The following AUTS2 variants were observed in gnomAD, a reference collection of about 807,000 sequenced individuals.
AUTS2 encodes the protein autism susceptibility gene 2 protein.
A neutral mutation model predicts 112.4 loss-of-function variants in AUTS2; 17 were observed. That is an observed-to-expected ratio of 0.15 (90% CI 0.10 to 0.23). AUTS2 has a LOEUF of 0.23. AUTS2 is among the 10% of genes least tolerant of loss of function. AUTS2 has a pLI of 1.00. For synonymous variants in AUTS2, 751 were observed against 702.7 expected (o/e 1.07, Z -1.09); for missense variants, 1,510 against 1,701.6 (o/e 0.89, Z 1.98).
chr7:70,559,454 C>G (rs1179687865), intron 5 of AUTS2, among the ~76,000 whole-genome samples: 1 of 151,962 alleles, frequency 6.6e-6, no homozygotes, highest in Non-Finnish European at 1.5e-5. Context: ...CCTGTCTCAG[C>G]CTCCCAAGTA....
chr7:70,172,385 C>T (rs1328585471), intron 4 of AUTS2, among the ~76,000 whole-genome samples: 5 of 152,152 alleles, frequency 3.3e-5, no homozygotes, highest in East Asian at 1.9e-4. Context: ...CAACCTTCTT[C>T]GTAATTAAAG....
chr7:70,081,475 C>T (rs1464676595), intron 2 of AUTS2, among the ~76,000 whole-genome samples: 4 of 150,416 alleles, frequency 2.7e-5, no homozygotes, highest in Non-Finnish European at 5.9e-5. Context: ...TCAGGAGAAT[C>T]GCTTGAACCC....
intron 1 of AUTS2, among the ~76,000 whole-genome samples, chr7:69,600,616 G>A (rs1792344438): frequency 6.7e-6 from 1 of 150,314 alleles, no homozygotes; most frequent in African/African-American, 2.5e-5. Context: ...GAGGAGGGGA[G>A]AGAAGAGGGA....
At chr7:70,495,862 C>T (rs1195777890) in intron 5 of AUTS2, among the ~76,000 whole-genome samples, 1 of 145,746 alleles carries the variant, frequency 6.9e-6, no homozygotes, top group African/African-American at 2.6e-5. Flanking sequence ...CAAACACACA[C>T]ACGCCCCACA....
chr7:70,676,137 AG>A (rs2129544612), intron 5 of AUTS2, among the ~76,000 whole-genome samples: 1 of 152,352 alleles, frequency 6.6e-6, no homozygotes, highest in Admixed American at 6.5e-5. Context: ...ATTAAAAAGA[AG>A]AAGAAGAAGA....
intron 4 of AUTS2, among the ~76,000 whole-genome samples, chr7:70,306,202 AC>A (rs1204228666): frequency 4.6e-5 from 7 of 152,170 alleles, no homozygotes; most frequent in Non-Finnish European, 7.3e-5. Flanking sequence ...AAGCTCATTG[AC>A]CCTAGAGAAG....
chr7:70,332,416 C>G (rs564072040), intron 4 of AUTS2, among the ~76,000 whole-genome samples: 1 of 152,168 alleles, frequency 6.6e-6, no homozygotes, highest in South Asian at 2.1e-4. Context: ...CAATGTTATC[C>G]CTATCAAGCT....
At chr7:70,391,031 C>T (rs1425473106) in intron 4 of AUTS2, among the ~76,000 whole-genome samples, 2 of 152,296 alleles carry the variant, frequency 1.3e-5, no homozygotes, top group Admixed American at 6.5e-5. Flanking sequence ...AGACAGTTTT[C>T]TCAGCCTTGT....
At chr7:69,780,691 G>T (rs939873236) in intron 1 of AUTS2, among the ~76,000 whole-genome samples, 1 of 152,180 alleles carries the variant, frequency 6.6e-6, no homozygotes, top group Non-Finnish European at 1.5e-5. Flanking sequence ...AGAGTGTGGT[G>T]GTAGATAGAA....
At chr7:69,947,128 G>A (rs1269148555) in intron 2 of AUTS2, among the ~76,000 whole-genome samples, 1 of 152,188 alleles carries the variant, frequency 6.6e-6, no homozygotes, top group Non-Finnish European at 1.5e-5. Context: ...GATTGAGGGA[G>A]GGAGCCATTG....
chr7:69,824,707 G>A (rs1313867878), intron 1 of AUTS2: 1 of 152,098 alleles, frequency 6.6e-6, no homozygotes, highest in Non-Finnish European at 1.5e-5. Flanking sequence ...TGGAAACAGA[G>A]CAATCAGATA....
intron 1 of AUTS2, among the ~76,000 whole-genome samples, chr7:69,812,262 G>T (rs957621719): frequency 3.9e-5 from 6 of 152,010 alleles, no homozygotes; most frequent in African/African-American, 7.3e-5. Flanking sequence ...CATAATTAGG[G>T]TATTTCTGGG....
chr7:70,053,276 G>A (rs551665833), intron 2 of AUTS2, among the ~76,000 whole-genome samples: 29 of 152,062 alleles, frequency 1.9e-4, no homozygotes, highest in African/African-American at 6.3e-4. Flanking sequence ...TATTAAAGAA[G>A]CATCTACTAC....
At chr7:70,720,407 G>A (rs567850680) in intron 6 of AUTS2, among the ~76,000 whole-genome samples, 6 of 152,098 alleles carry the variant, frequency 3.9e-5, no homozygotes, top group African/African-American at 7.2e-5. Flanking sequence ...ATTATGCAGC[G>A]GGGGAAGAAG....
chr7:70,087,788 ATAT>A (rs759974652), intron 2 of AUTS2, among the ~76,000 whole-genome samples: 6 of 152,144 alleles, frequency 3.9e-5, no homozygotes, highest in Non-Finnish European at 8.8e-5. Flanking sequence ...TATAGAATTT[ATAT>A]TATTGTTTCC....
intron 2 of AUTS2, among the ~76,000 whole-genome samples, chr7:70,067,562 C>T (rs748492455): frequency 6.6e-6 from 1 of 152,080 alleles, no homozygotes; most frequent in African/African-American, 2.4e-5. Context: ...AAGAAAACTT[C>T]AGGCCAGGCT....
In AUTS2 at chr7:70,671,607, G is replaced by T. The variant is rs1175989732; in HGVS notation, c.691-26962G>T. 2.0e-5 allele frequency among the ~76,000 whole-genome samples: 3 copies of T among 152,200 alleles called. No homozygotes were observed. In the East Asian group the frequency reaches 5.8e-4, roughly 29 times the overall value. ...CACATTTCAAGGCTCTGCTTTGCAA[G>T]AGACCAGGCACCACAGTTTCCTCCT... On this transcript the variant is annotated intron_variant, in intron 5 of 18. Coordinates refer to ENST00000342771, the MANE Select transcript of AUTS2 (RefSeq NM_015570.4).
intron 1 of AUTS2, among the ~76,000 whole-genome samples, chr7:69,625,107 G>A (rs1047764111): frequency 6.6e-6 from 1 of 152,194 alleles, no homozygotes; most frequent in Non-Finnish European, 1.5e-5. Flanking sequence ...AGGAGAGCCC[G>A]AATGATTTAG....
chr7:70,128,307 A>G (rs1423403170), intron 3 of AUTS2, among the ~76,000 whole-genome samples: 1 of 152,222 alleles, frequency 6.6e-6, no homozygotes, highest in Non-Finnish European at 1.5e-5. Flanking sequence ...GTGGAGAACA[A>G]GATGAAACCT....
Sources: allele counts gnomAD v4.1 joint callset (sites outside exome capture counted in the v4.1 genomes callset), GRCh38; gene constraint gnomAD v4.1.1; transcripts MANE v1.5; gene names NCBI Gene and HGNC (gene_info 2026-07-23, HGNC 2026-07-21).